The following HSPA12A variants were observed in gnomAD, a reference collection of about 807,000 sequenced individuals.
HSPA12A encodes the protein heat shock 70 kDa protein 12A.
Under a neutral mutation model 69.2 loss-of-function variants are expected in HSPA12A, and 28 were observed. That is an observed-to-expected ratio of 0.40 (90% CI 0.30 to 0.55). The LOEUF (loss-of-function observed/expected upper bound fraction) is 0.55. Among genes scored for constraint, HSPA12A ranks in the 20% least tolerant of loss-of-function variants. HSPA12A has a pLI of 0.38. For missense variants in HSPA12A, 686 were observed against 900.7 expected, an observed-to-expected ratio of 0.76 and a Z score of 3.05; for synonymous variants, 345 against 370.5, an observed-to-expected ratio of 0.93 and a Z score of 0.79.
chr10:116,832,713 A>G (rs1845641297), intron 2 of HSPA12A: 2 of 152,212 alleles, frequency 1.3e-5, no homozygotes, highest in Admixed American at 1.3e-4. Flanking sequence ...ACCTGCTATC[A>G]GGCCGAAAAA....
intron 2 of HSPA12A, chr10:116,831,080 T>C (rs1015842974): frequency 6.6e-6 from 1 of 152,202 alleles, no homozygotes; most frequent in African/African-American, 2.4e-5. Flanking sequence ...CATAAAGCAA[T>C]GCATGACTGT....
Position 116,679,727 on chromosome 10 carries a change from C to T in HSPA12A, c.1062G>A (p.Glu354=). ...ATATTTTATACAGAAGTTTTTCGAA[C>T]TCATAATCTACTCCTAAAGATCCAT... The part of the protein sequence containing the change: ...GPYGSLGVDY[E]FEKLLYKIFG... Residue 354 remains glutamate (E), a synonymous_variant, in exon 10 of 12, where the codon GAG becomes GAA. Transcript: ENST00000369209. 1 of 1,614,154 alleles carries T rather than the reference C, an allele frequency of 6.2e-7. No homozygotes were observed. The highest frequency in any genetic ancestry group is 8.5e-7 in the Non-Finnish European group (1 of 1,180,020).
intron 1 of HSPA12A, among the ~76,000 whole-genome samples, chr10:116,839,780 ATC>A (rs1445467123): frequency 6.6e-6 from 1 of 152,182 alleles, no homozygotes; most frequent in Non-Finnish European, 1.5e-5. Context: ...TAACTGCATG[ATC>A]GTAAACATAG....
intron 2 of HSPA12A, among the ~76,000 whole-genome samples, chr10:116,825,990 G>A (rs749180574): frequency 7.9e-5 from 12 of 152,096 alleles, no homozygotes; most frequent in East Asian, 1.9e-4. Flanking sequence ...AAAGGCTTCC[G>A]GGGAGAAGCC....
chr10:116,674,855 C>T lies in HSPA12A; in HGVS notation c.1954G>A (p.Glu652Lys). Residue 652 changes from glutamate to lysine, a missense_variant, in exon 12 of 12, where the codon GAG (glutamate) becomes AAG (lysine). Glu to Lys is a moderately conservative substitution (Grantham distance 56). Transcript: ENST00000369209. ...ATATCAATGGCTGTGGCTTTGATCT[C>T]GGTGTCCCCGAACTGCATAAGGGTC... Reference protein sequence around the residue: ...IQTLMQFGDTEIKATAIDIAT... With the variant: ...IQTLMQFGDTKIKATAIDIAT... The T allele has an allele frequency of 1.9e-6, 3 of 1,613,790 alleles. No individual in the cohort carries two copies. The highest frequency in any genetic ancestry group is 1.1e-5 in the South Asian group (1 of 91,070).
chr10:116,732,969 G>A (rs913745860), intron 1 of HSPA12A, among the ~76,000 whole-genome samples: 1 of 152,092 alleles, frequency 6.6e-6, no homozygotes, highest in African/African-American at 2.4e-5. Context: ...AAAATGAGAG[G>A]GTGGGCCCAG....
intron 1 of HSPA12A, among the ~76,000 whole-genome samples, chr10:116,711,007 A>C (rs1850408939): frequency 6.6e-6 from 1 of 150,544 alleles, no homozygotes; most frequent in Non-Finnish European, 1.5e-5. Flanking sequence ...GTAAATGATC[A>C]GAAATAAAAT....
intron 1 of HSPA12A, chr10:116,835,109 G>A (rs961743593): frequency 4.7e-6 from 4 of 845,160 alleles, no homozygotes; most frequent in African/African-American, 1.8e-5. Context: ...GCTGGTTGAC[G>A]GTTTGTAAGA....
intron 1 of HSPA12A, among the ~76,000 whole-genome samples, chr10:116,846,961 C>T (rs1845899169): frequency 6.6e-6 from 1 of 152,082 alleles, no homozygotes; most frequent in Non-Finnish European, 1.5e-5. Flanking sequence ...CTATTCCTTC[C>T]CCAAAATTTA....
At chr10:116,849,800 C>T (rs1846010460), upstream of HSPA12A, 2 of 1,439,026 alleles carry the variant, frequency 1.4e-6, no homozygotes, top group African/African-American at 2.9e-5. Context: ...GCGGCAACGC[C>T]TTGCGCCTGC....
intron 7 of HSPA12A, 31 bp downstream of exon 7, chr10:116,683,760 A>C (rs1554879037): frequency 6.7e-7 from 1 of 1,481,862 alleles, no homozygotes; most frequent in East Asian, 2.4e-5. Flanking sequence ...AAGGAAGGAG[A>C]GCAGGAGGGG....
chr10:116,681,772 G>A lies in HSPA12A; in HGVS notation c.922+19C>T. On this transcript the variant is annotated intron_variant, in intron 8 of 11. Coordinates refer to ENST00000369209, the MANE Select transcript of HSPA12A (RefSeq NM_025015.3). ...CACAGGAAAATCCAGCAAGAGCAAAGGACATTGAAGGACGCTACCTTCCTC... is the reference window on the plus strand; with the variant it reads ...CACAGGAAAATCCAGCAAGAGCAAAAGACATTGAAGGACGCTACCTTCCTC... The A allele has an allele frequency of 6.2e-7, 1 of 1,605,070 alleles. No homozygotes were observed. Among genetic ancestry groups the A allele is most frequent in the Middle Eastern group, 1.7e-4 (1 of 6,034 alleles).
chr10:116,679,372 G>T (rs1849334588), intron 10 of HSPA12A, 131 bp downstream of exon 10: 1 of 1,046,256 alleles, frequency 9.6e-7, no homozygotes, highest in Non-Finnish European at 1.4e-6. Context: ...AAGAGAAGTT[G>T]AGTCCCTTGC....
At chr10:116,743,878 CCTAT>C (rs1219291396), upstream of HSPA12A, among the ~76,000 whole-genome samples, 1 of 152,244 alleles carries the variant, frequency 6.6e-6, no homozygotes, top group African/African-American at 2.4e-5. Context: ...AGTTATTTAA[CCTAT>C]CTGAGCCTCA....
At chr10:116,754,434 G>GA (rs1394357804) in intron 2 of HSPA12A, among the ~76,000 whole-genome samples, 20 of 152,064 alleles carry the variant, frequency 1.3e-4, no homozygotes, top group African/African-American at 4.3e-4. Flanking sequence ...AAGAATTAAA[G>GA]AAAAAAATCA....
chr10:116,825,475 C>T (rs957644254), intron 2 of HSPA12A, among the ~76,000 whole-genome samples: 5 of 152,136 alleles, frequency 3.3e-5, no homozygotes, highest in African/African-American at 9.7e-5. Flanking sequence ...GGTGCTACTG[C>T]ACTCCAGCCT....
At chr10:116,835,249 T>C (rs1169440023) in intron 1 of HSPA12A, 2 of 266,722 alleles carry the variant, frequency 7.5e-6, no homozygotes, top group African/African-American at 4.4e-5. Flanking sequence ...GAGTCTCAGA[T>C]GTTTTCATCT....
rs782300469 is a variant in HSPA12A at position 116,692,410 on chromosome 10, T to C, written c.604A>G (p.Thr202Ala). 1 of 1,614,148 alleles carries C rather than the reference T, an allele frequency of 6.2e-7. No individual in the cohort carries two copies. The highest frequency in any genetic ancestry group is 1.1e-5 in the South Asian group (1 of 91,066). Residue 202 changes from threonine to alanine, a missense_variant, in exon 6 of 12, where the codon ACG (threonine) becomes GCG (alanine). Physicochemically the swap from Thr to Ala is moderately conservative, Grantham distance 58. Transcript: ENST00000369209. ...FENSDVRWVI[T>A]VPAIWKQPAK... ...GGCTGCTTCCAGATGGCAGGCACCG[T>C]GATGACCCATCTGACATCAGAGTTC...
At chr10:116,807,222 G>A (rs1373344583) in intron 2 of HSPA12A, among the ~76,000 whole-genome samples, 1 of 151,504 alleles carries the variant, frequency 6.6e-6, no homozygotes, top group Non-Finnish European at 1.5e-5. Context: ...CTAGAGGGAG[G>A]GAGGAGAGAG....
Sources: allele counts gnomAD v4.1 joint callset (sites outside exome capture counted in the v4.1 genomes callset), GRCh38; gene constraint gnomAD v4.1.1; transcripts MANE v1.5; gene names NCBI Gene and HGNC (gene_info 2026-07-23, HGNC 2026-07-21).